The following DPP6 variants were observed in gnomAD, a reference collection of about 807,000 sequenced individuals.
DPP6 encodes the protein A-type potassium channel modulatory protein DPP6.
Under a neutral mutation model 122.6 loss-of-function variants are expected in DPP6, and 69 were observed. That is an observed-to-expected ratio of 0.56 (90% confidence interval 0.46 to 0.69). The LOEUF (loss-of-function observed/expected upper bound fraction) is 0.69, where lower values mean the gene tolerates loss of function less well. Among genes scored for constraint, DPP6 ranks in the 30% least tolerant of loss-of-function variants. DPP6 has a pLI of 0.00. For synonymous variants in DPP6, 418 were observed against 433.1 expected, an observed-to-expected ratio of 0.97 and a Z score of 0.43; for missense variants, 928 against 1,116.9, an observed-to-expected ratio of 0.83 and a Z score of 2.41.
At chr7:154,541,438 A>G (rs1307526810) in intron 4 of DPP6, among the ~76,000 whole-genome samples, 4 of 152,214 alleles carry the variant, frequency 2.6e-5, no homozygotes, top group Non-Finnish European at 5.9e-5. Context: ...CTCGACCCCA[A>G]AGATTTAAAT....
At chr7:154,689,769 T>A (rs1839834381) in intron 7 of DPP6, among the ~76,000 whole-genome samples, 1 of 152,230 alleles carries the variant, frequency 6.6e-6, no homozygotes, top group South Asian at 2.1e-4. Flanking sequence ...AAAACAATTA[T>A]ATCAATTTGC....
At chr7:153,788,490 G>A in the DPP6 span, among the ~76,000 whole-genome samples, 1 of 152,162 alleles carries the variant, frequency 6.6e-6, no homozygotes, top group Non-Finnish European at 1.5e-5. Flanking sequence ...ACAATTCATT[G>A]GTTGACATTT....
At chr7:153,792,599 C>T in the DPP6 span, among the ~76,000 whole-genome samples, 1 of 151,962 alleles carries the variant, frequency 6.6e-6, no homozygotes, top group Non-Finnish European at 1.5e-5. Context: ...TGTCTTTCAA[C>T]AAATTTGTCC....
At chr7:154,484,602 C>T (rs766306821) in intron 3 of DPP6, among the ~76,000 whole-genome samples, 4 of 152,208 alleles carry the variant, frequency 2.6e-5, no homozygotes, top group Admixed American at 1.3e-4. Context: ...ACAGCCCATC[C>T]GGCTCCTGCC....
chr7:154,231,053 T>C (rs994030108), intron 1 of DPP6, among the ~76,000 whole-genome samples: 50 of 152,218 alleles, frequency 3.3e-4, no homozygotes, highest in Non-Finnish European at 2.2e-4. Flanking sequence ...GAATGCTGCA[T>C]CTAGTGACTG....
At chr7:154,081,324 C>T (rs1206710988) in intron 1 of DPP6, among the ~76,000 whole-genome samples, 1 of 147,076 alleles carries the variant, frequency 6.8e-6, no homozygotes, top group East Asian at 1.9e-4. Flanking sequence ...AAGGGCCAAG[C>T]CTTTCAACAC....
At chr7:154,658,336 G>A (rs1837402836) in intron 6 of DPP6, among the ~76,000 whole-genome samples, 1 of 152,192 alleles carries the variant, frequency 6.6e-6, no homozygotes, top group Non-Finnish European at 1.5e-5. Context: ...ACATGAAACT[G>A]CTCTAAAAAT....
At chr7:154,426,555 A>C (rs991543662) in intron 1 of DPP6, among the ~76,000 whole-genome samples, 1 of 152,132 alleles carries the variant, frequency 6.6e-6, no homozygotes, top group East Asian at 1.9e-4. Flanking sequence ...AGTGGGGTGC[A>C]TCTCATTAGA....
chr7:154,150,418 C>T (rs1305775498), intron 1 of DPP6, among the ~76,000 whole-genome samples: 1 of 152,130 alleles, frequency 6.6e-6, no homozygotes, highest in Non-Finnish European at 1.5e-5. Context: ...TACCAGGGCT[C>T]CGTGGAGACA....
At chr7:154,884,372 C>T (rs1337235107) in intron 21 of DPP6, 1 of 147,472 alleles carries the variant, frequency 6.8e-6, no homozygotes, top group Non-Finnish European at 1.5e-5. Flanking sequence ...ACACAAATTA[C>T]ATACACCTGC....
At chr7:154,059,412 A>C (rs1410610159) in intron 1 of DPP6, 5,064 of 99,680 alleles carry the variant, frequency 0.051, 7 homozygotes, top group South Asian at 0.065. Context: ...AGAAAGATCA[A>C]ATCTTCCGAC....
intron 17 of DPP6, among the ~76,000 whole-genome samples, chr7:154,867,247 A>C (rs1803954259): frequency 6.6e-6 from 1 of 152,212 alleles, no homozygotes; most frequent in Non-Finnish European, 1.5e-5. Context: ...GAAATGAAAC[A>C]GAATGGCCAT....
intron 5 of DPP6, among the ~76,000 whole-genome samples, chr7:154,634,168 C>T (rs1442652155): frequency 2.8e-5 from 3 of 105,494 alleles, no homozygotes; most frequent in African/African-American, 3.6e-5. Context: ...CCCCTCCCCC[C>T]ACCCCACAAC....
At chr7:154,302,543 T>G (rs900211568) in intron 1 of DPP6, among the ~76,000 whole-genome samples, 3 of 152,164 alleles carry the variant, frequency 2.0e-5, no homozygotes, top group Admixed American at 1.3e-4. Context: ...AATGGCAGAG[T>G]AGATGAGTGA....
chr7:154,293,108 C>CT, intron 1 of DPP6, among the ~76,000 whole-genome samples: 1 of 152,240 alleles, frequency 6.6e-6, no homozygotes, highest in South Asian at 2.1e-4. Flanking sequence ...AGGAAATACT[C>CT]TTTTTTTAAT....
At chr7:154,265,490 T>C (rs961394451) in intron 1 of DPP6, among the ~76,000 whole-genome samples, 2 of 152,194 alleles carry the variant, frequency 1.3e-5, no homozygotes, top group African/African-American at 4.8e-5. Context: ...AAATGCACCG[T>C]TTAATACTCC....
rs753951713 is a variant in DPP6 at position 154,446,219 on chromosome 7, G to A, written c.249G>A (p.Leu83=). 4.4e-6 allele frequency: 7 copies of A among 1,597,468 alleles called. No homozygotes were observed. Among genetic ancestry groups the A allele is most frequent in the Non-Finnish European group, 6.0e-6 (7 of 1,171,574 alleles). Residue 83 remains leucine (L), a synonymous_variant, in exon 2 of 26, where the codon CTG becomes CTA. Coordinates refer to ENST00000377770, the MANE Select transcript of DPP6 (RefSeq NM_130797.4). ...TTTGTTGTTGCTGTTTTTAGGAGCT[G>A]GTGGGGAGTAACCCTCCGCAGAGGA... ...ARSDGDEEDE[L]VGSNPPQRNW... is the part of the protein sequence containing the mutation.
chr7:154,049,460 T>C (rs2907739), upstream of DPP6, among the ~76,000 whole-genome samples: 24,804 of 61,878 alleles, frequency 0.4, 3,554 homozygotes, highest in African/African-American at 0.5. Context: ...CCACTTTATT[T>C]TTTTATATGT....
intron 5 of DPP6, among the ~76,000 whole-genome samples, chr7:154,591,220 T>G (rs1394086584): frequency 6.6e-6 from 1 of 152,238 alleles, no homozygotes; most frequent in Non-Finnish European, 1.5e-5. Flanking sequence ...CTCTGATTCT[T>G]TAATTCACCC....
Sources: allele counts gnomAD v4.1 joint callset (sites outside exome capture counted in the v4.1 genomes callset), GRCh38; gene constraint gnomAD v4.1.1; transcripts MANE v1.5; gene names NCBI Gene and HGNC (gene_info 2026-07-23, HGNC 2026-07-21).